The following ASPH variants were observed in gnomAD, a reference collection of about 807,000 sequenced individuals.
ASPH encodes the protein aspartate beta-hydroxylase.
In ASPH, 100 loss-of-function variants were observed where a neutral mutation model predicts 118.4. The ratio of observed to expected loss-of-function variants is 0.84; its 90% CI spans 0.72 to 1.00. The LOEUF is 1.00. Among genes scored for constraint, ASPH ranks in the 50% least tolerant of loss-of-function variants. ASPH has a pLI of 0.00. For synonymous variants in ASPH, 315 were observed against 325.6 expected, an observed-to-expected ratio of 0.97 and a Z score of 0.35; for missense variants, 920 against 919.5, an observed-to-expected ratio of 1.00 and a Z score of -0.01.
intron 3 of ASPH, among the ~76,000 whole-genome samples, chr8:61,667,156 A>G (rs1820074996): frequency 6.6e-6 from 1 of 152,134 alleles, no homozygotes; most frequent in Non-Finnish European, 1.5e-5. Context: ...AACAAACTAC[A>G]AACAATATGC....
chr8:61,508,685 T>A (rs754932206), intron 24 of ASPH, among the ~76,000 whole-genome samples: 1 of 152,232 alleles, frequency 6.6e-6, no homozygotes, highest in Non-Finnish European at 1.5e-5. Flanking sequence ...ATGTCTGCAG[T>A]GACACTGTGA....
intron 23 of ASPH, 32 bp downstream of exon 23, chr8:61,518,000 T>C (rs1273747162): frequency 6.3e-7 from 1 of 1,575,274 alleles, no homozygotes; most frequent in Non-Finnish European, 8.7e-7. Context: ...TAACAATTAA[T>C]TGTATTCTCC....
At chr8:61,656,576 G>A (rs1434126871) in intron 3 of ASPH, 4 of 152,174 alleles carry the variant, frequency 2.6e-5, no homozygotes, top group Non-Finnish European at 5.9e-5. Context: ...CCGCCTTCCA[G>A]TCATTATGTA....
chr8:61,626,109 C>T (rs887328237), intron 13 of ASPH: 22 of 1,249,064 alleles, frequency 1.8e-5, no homozygotes, highest in African/African-American at 4.7e-5. Flanking sequence ...AAAAAATACA[C>T]TAAAATGCCA....
chr8:61,686,667 T>G lies in ASPH; in HGVS notation c.104-2479A>C, dbSNP rs143515735. Reference sequence around the variant, plus strand: ...AACAAAAATACTACCTTCCAAAATATCCACATACTCTAAATATGGAATTAT... The same window carrying G: ...AACAAAAATACTACCTTCCAAAATAGCCACATACTCTAAATATGGAATTAT... On this transcript the variant is annotated intron_variant, in intron 1 of 24. Transcript: ENST00000379454. Among the ~76,000 whole-genome samples, 218 of 152,240 alleles carry G rather than the reference T, an allele frequency of 1.4e-3. 1 individual carries two copies. The highest frequency in any genetic ancestry group is 4.5e-3 in the African/African-American group (186 of 41,552).
chr8:61,706,404 C>CAAAAAAAA (rs55731088), intron 1 of ASPH, among the ~76,000 whole-genome samples: 12 of 70,552 alleles, frequency 1.7e-4, no homozygotes, highest in Admixed American at 2.0e-4. Context: ...GGTCATGACT[C>CAAAAAAAA]AAAAAAAAAA....
chr8:61,708,517 A>T (rs1563673365), intron 1 of ASPH, among the ~76,000 whole-genome samples: 1 of 152,200 alleles, frequency 6.6e-6, no homozygotes, highest in Non-Finnish European at 1.5e-5. Flanking sequence ...CCTGTGAAAG[A>T]TAGGGACAAA....
At chr8:61,535,597 T>C (rs1483218390) in intron 21 of ASPH, among the ~76,000 whole-genome samples, 1 of 152,246 alleles carries the variant, frequency 6.6e-6, no homozygotes, top group African/African-American at 2.4e-5. Flanking sequence ...GTGTATTAAA[T>C]TGGAGTTAGA....
rs747121956 is a variant in ASPH at position 61,548,131 on chromosome 8, A to G, written c.1704T>C (p.Asn568=). The part of the protein sequence containing the change: ...SVWQRSLYNV[N]GLKAQPWWTP... ...TCCACCAAGGCTGTGCTTTCAGTCC[A>G]TTCACATTGTAGAGTGAGCGTTGCC... The change falls in exon 21 of 25, where the codon AAT becomes AAC. Residue 568 remains asparagine, a synonymous_variant. Coordinates refer to ENST00000379454, the MANE Select transcript of ASPH (RefSeq NM_004318.4). 21 of 1,613,912 alleles carry G rather than the reference A, an allele frequency of 1.3e-5. No homozygotes were observed. Among genetic ancestry groups the G allele is most frequent in the Non-Finnish European group, 1.8e-5 (21 of 1,179,926 alleles).
intron 14 of ASPH, among the ~76,000 whole-genome samples, chr8:61,612,138 A>C (rs1847585613): frequency 6.6e-6 from 1 of 152,198 alleles, no homozygotes; most frequent in African/African-American, 2.4e-5. Context: ...CAAAGAATTA[A>C]AGAAAAACAT....
chr8:61,622,742 C>T (rs1173348178), intron 13 of ASPH, among the ~76,000 whole-genome samples: 1 of 152,210 alleles, frequency 6.6e-6, no homozygotes, highest in African/African-American at 2.4e-5. Flanking sequence ...GGTGTGTCAC[C>T]TCGGGCCAGC....
At chr8:61,684,721 A>G (rs1048400366) in intron 1 of ASPH, 1 of 152,326 alleles carries the variant, frequency 6.6e-6, no homozygotes, top group Non-Finnish European at 1.5e-5. Context: ...CTAAGGAAAC[A>G]GGAAAAGGCT....
At chr8:61,710,196 A>G (rs559192921) in intron 1 of ASPH, among the ~76,000 whole-genome samples, 2 of 152,200 alleles carry the variant, frequency 1.3e-5, no homozygotes, top group Admixed American at 1.3e-4. Context: ...ACATTTAAGG[A>G]GGCTGGGAAC....
intron 21 of ASPH, among the ~76,000 whole-genome samples, chr8:61,534,189 C>T (rs754257502): frequency 6.6e-5 from 10 of 152,184 alleles, no homozygotes; most frequent in Non-Finnish European, 1.2e-4. Context: ...TCAGGTGATC[C>T]GCCCGCCTTG....
rs3802286 is a variant in ASPH at position 61,562,717 on chromosome 8, C to T, written c.1437+27G>A. ...CAAATAGCCTTAGAACTTAATTTGA[C>T]GTAGTTAATACAAGATTGATGCTTA... On this transcript the variant is annotated intron_variant, in intron 18 of 24. Transcript: ENST00000379454. 1,286,733 of 1,554,488 alleles carry T rather than the reference C, an allele frequency of 0.83. 534,478 individuals are homozygous for T. Among genetic ancestry groups the T allele is most frequent in the Non-Finnish European group, 0.84 (969,515 of 1,152,984 alleles).
intron 5 of ASPH, among the ~76,000 whole-genome samples, chr8:61,648,657 A>G (rs1239479613): frequency 1.3e-5 from 2 of 152,174 alleles, no homozygotes; most frequent in African/African-American, 4.8e-5. Context: ...CTAACATTGA[A>G]CACTATCTTT....
At chr8:61,706,147 G>C (rs1051491714) in intron 1 of ASPH, among the ~76,000 whole-genome samples, 5 of 152,036 alleles carry the variant, frequency 3.3e-5, no homozygotes, top group Non-Finnish European at 7.4e-5. Context: ...TTATAGGCCA[G>C]GTGCAGGGCT....
chr8:61,642,914 A>G lies in ASPH; in HGVS notation c.764T>C (p.Val255Ala). Residue 255 changes from valine (V) to alanine (A), a missense_variant, in exon 10 of 25, where the codon GTA (valine) becomes GCA (alanine). By Grantham distance (64) the Val-to-Ala change is moderately conservative. Coordinates refer to ENST00000379454, the MANE Select transcript of ASPH (RefSeq NM_004318.4). Reference protein sequence around the residue: ...DERLHHDTDDVTYQVYEEQAV... With the variant: ...DERLHHDTDDATYQVYEEQAV... ...TTGTTCCTCATAGACTTGGTATGTT[A>G]CATCATCTGAAAAAAAAAAGAGAAT... 1 of 1,561,092 alleles carries G rather than the reference A, an allele frequency of 6.4e-7. No homozygotes were observed. The highest frequency in any genetic ancestry group is 2.3e-5 in the East Asian group (1 of 43,458).
intron 13 of ASPH, among the ~76,000 whole-genome samples, chr8:61,622,858 G>C (rs1191328371): frequency 6.6e-6 from 1 of 152,208 alleles, no homozygotes; most frequent in East Asian, 1.9e-4. Context: ...GTACTCCGCA[G>C]AGTGGGTGCA....
Sources: allele counts gnomAD v4.1 joint callset (sites outside exome capture counted in the v4.1 genomes callset), GRCh38; gene constraint gnomAD v4.1.1; transcripts MANE v1.5; gene names NCBI Gene and HGNC (gene_info 2026-07-23, HGNC 2026-07-21).